Variants in NADK2 observed in about 807,000 individuals in gnomAD.
The protein encoded by NADK2 is NAD kinase 2, mitochondrial.
A neutral mutation model predicts 62.1 loss-of-function variants in NADK2; 35 were observed. That is an observed-to-expected ratio of 0.56 (90% CI 0.43 to 0.75). NADK2 has a LOEUF of 0.75. Among genes scored for constraint, NADK2 ranks in the 30% least tolerant of loss-of-function variants. NADK2 has a pLI of 0.00. For missense variants in NADK2, 439 were observed against 561.3 expected (o/e 0.78, Z 2.20); for synonymous variants, 205 against 207.9 (o/e 0.99, Z 0.12).
chr5:36,207,181 T>A lies in NADK2; in HGVS notation c.945A>T (p.Gly315=), dbSNP rs374430838. The A allele has an allele frequency of 3.1e-6, 5 of 1,612,214 alleles. No individual in the cohort carries two copies. In the African/African-American group the frequency reaches 5.3e-5, roughly 17 times the overall value. The part of the protein sequence containing the change: ...SSGLNLCTGT[G]SKAWSFNINR... ...CCCAAGTTACTCACCAGGCCTTTGA[T>A]CCTGTTCCAGTACACAAATTGAGCC... Residue 315 remains glycine (G), a synonymous_variant, in exon 8 of 12, where the codon GGA becomes GGT. Transcript: ENST00000381937.
chr5:36,240,304 T>C (rs1351002879), intron 1 of NADK2, among the ~76,000 whole-genome samples: 2 of 152,244 alleles, frequency 1.3e-5, no homozygotes, highest in Non-Finnish European at 2.9e-5. Context: ...AGGAGCCCTC[T>C]TCAGTAAACC....
At chr5:36,217,906 C>A (rs781111739) in intron 5 of NADK2, 22 bp from the exon 6 acceptor site, 2 of 1,605,640 alleles carry the variant, frequency 1.2e-6, no homozygotes, top group South Asian at 2.2e-5. Flanking sequence ...GAAGAAAAGG[C>A]AAATTATGTT....
chr5:36,233,272 C>T (rs756238692), intron 1 of NADK2, among the ~76,000 whole-genome samples: 1 of 152,166 alleles, frequency 6.6e-6, no homozygotes, highest in African/African-American at 2.4e-5. Flanking sequence ...CTAACCTTAA[C>T]ACCACCACAT....
intron 6 of NADK2, among the ~76,000 whole-genome samples, chr5:36,216,688 C>T (rs1174216272): frequency 2.6e-5 from 4 of 151,994 alleles, no homozygotes; most frequent in Admixed American, 2.6e-4. Context: ...AAACTAAACA[C>T]AGTGAATCTG....
At position 36,195,022 on chromosome 5, in the gene NADK2, C is replaced by G. The variant is rs1746175814; in HGVS notation, c.*122G>C. The G allele has an allele frequency of 1.0e-6, 1 of 999,850 alleles. No homozygotes were observed. Among genetic ancestry groups the G allele is most frequent in the Non-Finnish European group, 1.4e-6 (1 of 693,364 alleles). 61.9% of individuals were successfully genotyped at this position (999,850 alleles called of 1,614,324 possible). On this transcript the variant is annotated 3_prime_UTR_variant, in exon 12 of 12. Transcript: ENST00000381937. ...CAACAGAAGAATAATGCAAATCTCA[C>G]TTCTGAGCCCACGGGCAAGCAGTCT... is the stretch of plus-strand genomic sequence containing the variant.
In NADK2 at chr5:36,207,214, C is replaced by G. The variant is rs762018693; in HGVS notation, c.912G>C (p.Lys304Asn). ...SVDDGPWEKQKSSGLNLCTGT... is the reference protein window; with the variant it reads ...SVDDGPWEKQNSSGLNLCTGT... The stretch of plus-strand genomic sequence containing the variant: ...CAGTACACAAATTGAGCCCTGAACT[C>G]TTCTGTTTTTCCCATGGACCATCAT... The change falls in exon 8 of 12, where the codon AAG becomes AAC. Residue 304 changes from lysine to asparagine, a missense_variant. Lys to Asn is a moderately conservative substitution (Grantham distance 94, BLOSUM62 0). Transcript: ENST00000381937. 7 of 1,613,170 alleles carry G rather than the reference C, an allele frequency of 4.3e-6. No homozygotes were observed. Among genetic ancestry groups the G allele is most frequent in the Non-Finnish European group, 5.9e-6 (7 of 1,179,502 alleles).
rs1747526675 is a variant in NADK2, at chr5:36,227,497, T to TA, written c.368_369insT (p.Glu123AspfsTer6). On this transcript the variant is annotated frameshift_variant, in exon 2 of 12. Coordinates refer to ENST00000381937, the MANE Select transcript of NADK2 (RefSeq NM_001085411.3). LOFTEE classifies it high-confidence loss of function. ...CTTACCGTAAACTATCTATAATATGTTCTACATTTTTGGTGTGAATATGAT... is the reference window on the plus strand; with the variant it reads ...CTTACCGTAAACTATCTATAATATGTATCTACATTTTTGGTGTGAATATGAT... 1 of 1,542,672 alleles carries TA rather than the reference T, an allele frequency of 6.5e-7. No homozygotes were observed. The highest frequency in any genetic ancestry group is 2.0e-5 in the Admixed American group (1 of 49,386).
intron 1 of NADK2, among the ~76,000 whole-genome samples, chr5:36,236,474 G>T (rs565035916): frequency 6.6e-6 from 1 of 152,070 alleles, no homozygotes; most frequent in East Asian, 1.9e-4. Flanking sequence ...CATTTAACCC[G>T]AAACCTCTAT....
chr5:36,197,658 T>C lies in NADK2; in HGVS notation c.1073A>G (p.Asn358Ser). 1.3e-6 allele frequency: 2 copies of C among 1,556,896 alleles called. No homozygotes were observed. The highest frequency in any genetic ancestry group is 1.4e-5 in the African/African-American group (1 of 71,626). Residue 358 changes from asparagine (N) to serine (S), a missense_variant, in exon 11 of 12, where the codon AAT becomes AGT. Transcript: ENST00000381937. ...GTAGAGCAGTGATTCATTATATTCATTTGTTACTACAAAGAAAAAAAAATT... is the reference window on the plus strand; with the variant it reads ...GTAGAGCAGTGATTCATTATATTCACTTGTTACTACAAAGAAAAAAAAATT... ...LNRELVEKVTNEYNESLLYSP... is the reference protein window; with the variant it reads ...LNRELVEKVTSEYNESLLYSP...
At chr5:36,195,390 G>C in intron 11 of NADK2, 108 bp from the exon 12 acceptor site, 1 of 1,177,088 alleles carries the variant, frequency 8.5e-7, no homozygotes, top group East Asian at 2.7e-5. Flanking sequence ...TAAAAATCAA[G>C]TTGTTCTCTG....
In NADK2 at chr5:36,241,538, G is replaced by GT; in HGVS notation, c.260dup (p.Tyr87Ter). ...TTRYEFEQQR[Y>*]RYAELSEEDL... ...CCTCCTCCGAGAGCTCCGCGTAACG[G>GT]TACCGCTGCTGCTCGAACTCGTACC... The change falls in exon 1 of 12, where the codon TAC becomes TAAC. Residue 87 changes from tyrosine to a stop codon, truncating the protein, a stop_gained and frameshift_variant. Coordinates refer to ENST00000381937, the MANE Select transcript of NADK2 (RefSeq NM_001085411.3). LOFTEE classifies it high-confidence loss of function. This position sits in a 1 kb window ranked among gnomAD's most constrained non-coding sequence, Gnocchi z 4.9. 1 of 1,569,186 alleles carries GT rather than the reference G, an allele frequency of 6.4e-7. No individual in the cohort carries two copies. The highest frequency in any genetic ancestry group is 2.4e-5 in the East Asian group (1 of 41,214).
chr5:36,198,930 A>G (rs896066009), intron 10 of NADK2, among the ~76,000 whole-genome samples: 2 of 151,938 alleles, frequency 1.3e-5, no homozygotes, highest in Admixed American at 1.3e-4. Flanking sequence ...AAACCTAACA[A>G]TAAAGATAAA....
At chr5:36,221,576 C>G (rs772595979) in intron 4 of NADK2, 2 of 152,068 alleles carry the variant, frequency 1.3e-5, no homozygotes, top group African/African-American at 2.4e-5. Context: ...AGAAATCAGA[C>G]AACTTGAAGC....
At position 36,241,541 on chromosome 5, in the gene NADK2, C is replaced by T. The variant is rs6891700; in HGVS notation, c.258G>A (p.Arg86=). 17,681 of 1,569,272 alleles carry T rather than the reference C, an allele frequency of 0.011. 1,492 individuals carry two copies. In the African/African-American group the frequency reaches 0.2, roughly 17 times the overall value. ...CCTCCGAGAGCTCCGCGTAACGGTA[C>T]CGCTGCTGCTCGAACTCGTACCGGG... The part of the protein sequence containing the change: ...KTTRYEFEQQ[R]YRYAELSEED... Residue 86 remains arginine (R), a synonymous_variant, in exon 1 of 12, where the codon CGG becomes CGA. Coordinates refer to ENST00000381937, the MANE Select transcript of NADK2 (RefSeq NM_001085411.3). This position sits in a 1 kb window ranked among gnomAD's most constrained non-coding sequence, Gnocchi z 4.9.
At chr5:36,214,835 T>C (rs1450188411) in intron 6 of NADK2, among the ~76,000 whole-genome samples, 1 of 152,172 alleles carries the variant, frequency 6.6e-6, no homozygotes, top group Non-Finnish European at 1.5e-5. Flanking sequence ...TGAAAACTCC[T>C]TGGACAGTGA....
chr5:36,200,213 C>A lies in NADK2; in HGVS notation c.1066+14G>T. 2 of 1,560,586 alleles carry A rather than the reference C, an allele frequency of 1.3e-6. No homozygotes were observed. The highest frequency in any genetic ancestry group is 1.2e-5 in the South Asian group (1 of 83,470). ...GAACTAAACTGTTAGTGATTATTAT[C>A]ATTTGTCACTGACCTTTCTCTACCA... is the stretch of plus-strand genomic sequence containing the variant. On this transcript the variant is annotated intron_variant, in intron 10 of 11. Coordinates refer to ENST00000381937, the MANE Select transcript of NADK2 (RefSeq NM_001085411.3).
intron 11 of NADK2, among the ~76,000 whole-genome samples, chr5:36,196,262 T>G (rs1466425350): frequency 1.3e-5 from 2 of 152,172 alleles, no homozygotes; most frequent in Non-Finnish European, 2.9e-5. Flanking sequence ...TAACAGAAAT[T>G]TAGGAATATA....
intron 11 of NADK2, among the ~76,000 whole-genome samples, chr5:36,195,502 T>G (rs1349622477): frequency 6.6e-6 from 1 of 152,050 alleles, no homozygotes; most frequent in Non-Finnish European, 1.5e-5. Context: ...AGTAAAGAAG[T>G]GCAGACCTGA....
At position 36,205,024 on chromosome 5, in the gene NADK2, A is replaced by G. The variant is rs562420083; in HGVS notation, c.956+2146T>C. Among the ~76,000 whole-genome samples the G allele has an allele frequency of 1.8e-4, 28 of 152,222 alleles. No homozygotes were observed. Among genetic ancestry groups the G allele is most frequent in the Admixed American group, 1.0e-3 (16 of 15,248 alleles). On this transcript the variant is annotated intron_variant, in intron 8 of 11. Transcript: ENST00000381937. The surrounding 1 kb of genome is among the most constrained non-coding windows in gnomAD (Gnocchi z 4.1). ...ACTATACAAATTTAAAAGTTTGATA[A>G]GCATTGTTTTAGCTATATACAATTG...
Sources: allele counts gnomAD v4.1 joint callset (sites outside exome capture counted in the v4.1 genomes callset), GRCh38; gene constraint gnomAD v4.1.1; non-coding constraint Gnocchi (gnomAD v3.1); transcripts MANE v1.5; gene names NCBI Gene and HGNC (gene_info 2026-07-23, HGNC 2026-07-21).